The following MAML2 variants were observed in gnomAD, a reference collection of about 807,000 sequenced individuals.
MAML2 encodes the protein mastermind like transcriptional coactivator 2, also known as mastermind-like protein 2.
MAML2 carries 22 observed loss-of-function variants against 96.1 expected under a neutral mutation model. The observed-to-expected ratio is 0.23, with a 90% CI of 0.16 to 0.33. MAML2 has a LOEUF of 0.33. Among genes scored for constraint, MAML2 ranks in the 10% least tolerant of loss-of-function variants. The probability of loss-of-function intolerance (pLI) is 1.00; values close to 1 mark genes in which losing one functional copy is unlikely to be tolerated. For missense variants in MAML2, 1,367 were observed against 1,392.4 expected (o/e 0.98, Z 0.29); for synonymous variants, 561 against 521.3 (o/e 1.08, Z -1.04).
intron 1 of MAML2, among the ~76,000 whole-genome samples, chr11:96,337,344 T>C (rs1475056997): frequency 1.3e-5 from 2 of 152,236 alleles, no homozygotes; most frequent in Admixed American, 6.5e-5. Flanking sequence ...AACTTGATTA[T>C]TATCAGTTAA....
intron 2 of MAML2, among the ~76,000 whole-genome samples, chr11:96,024,842 C>A (rs1858491670): frequency 6.6e-6 from 1 of 152,182 alleles, no homozygotes; most frequent in Admixed American, 6.5e-5. Context: ...ACTCAGCCCT[C>A]CACATGCAGC....
chr11:96,214,150 GAATAT>G (rs1480345397), intron 1 of MAML2, among the ~76,000 whole-genome samples: 4 of 152,152 alleles, frequency 2.6e-5, no homozygotes, highest in Non-Finnish European at 4.4e-5. Flanking sequence ...AATTTCTATG[GAATAT>G]AATATATGTG....
At chr11:96,218,613 G>A (rs1862085079) in intron 1 of MAML2, among the ~76,000 whole-genome samples, 1 of 152,090 alleles carries the variant, frequency 6.6e-6, no homozygotes, top group Non-Finnish European at 1.5e-5. Context: ...TATTTTATGG[G>A]AATGTATAAT....
At chr11:96,137,045 TACA>T (rs1255636940) in intron 1 of MAML2, among the ~76,000 whole-genome samples, 4 of 152,308 alleles carry the variant, frequency 2.6e-5, no homozygotes, top group African/African-American at 7.2e-5. Flanking sequence ...GAAGCTTAAC[TACA>T]ACAATTCTCT....
intron 1 of MAML2, among the ~76,000 whole-genome samples, chr11:96,312,292 A>C (rs114082102): frequency 2.2e-4 from 33 of 151,404 alleles, no homozygotes; most frequent in African/African-American, 7.5e-4. Flanking sequence ...TCATCTCACA[A>C]AGGAAAACTC....
chr11:96,286,125 C>T (rs768738298), intron 1 of MAML2, among the ~76,000 whole-genome samples: 1 of 152,114 alleles, frequency 6.6e-6, no homozygotes, highest in African/African-American at 2.4e-5. Context: ...ACATATTCAC[C>T]ATGGAATACT....
At chr11:96,294,154 T>C (rs1396457102) in intron 1 of MAML2, among the ~76,000 whole-genome samples, 2 of 152,134 alleles carry the variant, frequency 1.3e-5, no homozygotes, top group Non-Finnish European at 2.9e-5. Flanking sequence ...TTCTGTCCCC[T>C]AAAAAATAAG....
chr11:96,044,426 T>C (rs1386599752), intron 2 of MAML2, among the ~76,000 whole-genome samples: 1 of 152,204 alleles, frequency 6.6e-6, no homozygotes, highest in Non-Finnish European at 1.5e-5. Flanking sequence ...TCTTTGGGTA[T>C]AAAATTCCCC....
At chr11:96,234,711 A>T (rs1862343562) in intron 1 of MAML2, among the ~76,000 whole-genome samples, 1 of 152,166 alleles carries the variant, frequency 6.6e-6, no homozygotes, top group African/African-American at 2.4e-5. Flanking sequence ...AACACCTTCA[A>T]GCTTTCTTTA....
At chr11:96,069,072 G>A (rs967413664) in intron 2 of MAML2, among the ~76,000 whole-genome samples, 1 of 151,880 alleles carries the variant, frequency 6.6e-6, no homozygotes, top group Non-Finnish European at 1.5e-5. Flanking sequence ...CAGGCTACAG[G>A]CATGTGCCAC....
chr11:96,152,326 G>A (rs1940629122), intron 1 of MAML2, among the ~76,000 whole-genome samples: 1 of 152,156 alleles, frequency 6.6e-6, no homozygotes, highest in South Asian at 2.1e-4. Flanking sequence ...ACCTCTACTG[G>A]ATTTAAATGA....
intron 1 of MAML2, among the ~76,000 whole-genome samples, chr11:96,231,934 A>G (rs1244553164): frequency 6.6e-6 from 1 of 152,226 alleles, no homozygotes; most frequent in African/African-American, 2.4e-5. Context: ...TGATGCCTCT[A>G]ACTAAACTCA....
In MAML2 at chr11:95,991,534, T is replaced by C; in HGVS notation, c.2329A>G (p.Met777Val). The C allele has an allele frequency of 6.2e-7, 1 of 1,613,526 alleles. No homozygotes were observed. Among genetic ancestry groups the C allele is most frequent in the Non-Finnish European group, 8.5e-7 (1 of 1,179,480 alleles). The change falls in exon 3 of 5, where the codon ATG becomes GTG. Residue 777 changes from methionine to valine, a missense_variant. Physicochemically the swap from Met to Val is conservative, Grantham distance 21. Coordinates refer to ENST00000524717, the MANE Select transcript of MAML2 (RefSeq NM_032427.4). ...GAAAGTTTTACCGCGTCAGCCAGCA[T>C]CTGCTGCTGGAGAAGAAGTTGCTGT... ...QKQQLLLQQQ[M>V]LADAEKIAPQ... is the part of the protein sequence containing the mutation.
At chr11:96,057,815 C>A (rs1279204614) in intron 2 of MAML2, among the ~76,000 whole-genome samples, 4 of 152,176 alleles carry the variant, frequency 2.6e-5, no homozygotes, top group Admixed American at 2.6e-4. Context: ...ATACCAAACA[C>A]AATTTAATCT....
chr11:96,070,207 G>A (rs908505051), intron 2 of MAML2, among the ~76,000 whole-genome samples: 24 of 151,868 alleles, frequency 1.6e-4, no homozygotes, highest in South Asian at 2.1e-4. Context: ...GGAGAATGGC[G>A]TGAACCCGGA....
At chr11:96,326,721 C>A (rs1329793067) in intron 1 of MAML2, among the ~76,000 whole-genome samples, 1 of 151,310 alleles carries the variant, frequency 6.6e-6, no homozygotes, top group Non-Finnish European at 1.5e-5. Context: ...GCCGAGATCG[C>A]ACAATTGCAC....
At chr11:96,220,901 T>C (rs980683509) in intron 1 of MAML2, among the ~76,000 whole-genome samples, 1 of 152,160 alleles carries the variant, frequency 6.6e-6, no homozygotes, top group African/African-American at 2.4e-5. Flanking sequence ...ATCAGGATAA[T>C]ATCTGTAAAA....
chr11:96,179,206 A>G, intron 1 of MAML2, among the ~76,000 whole-genome samples: 1 of 152,230 alleles, frequency 6.6e-6, no homozygotes, highest in Admixed American at 6.5e-5. Context: ...ACCCCGGCTC[A>G]TTATAACTAG....
chr11:96,280,621 C>T (rs1021936589), intron 1 of MAML2, among the ~76,000 whole-genome samples: 17 of 152,146 alleles, frequency 1.1e-4, no homozygotes, highest in African/African-American at 2.2e-4. Context: ...GGTCTGGGCT[C>T]GCACCCTCCC....
Sources: allele counts gnomAD v4.1 joint callset (sites outside exome capture counted in the v4.1 genomes callset), GRCh38; gene constraint gnomAD v4.1.1; transcripts MANE v1.5; gene names NCBI Gene and HGNC (gene_info 2026-07-23, HGNC 2026-07-21).